The following FXR1 variants were observed in gnomAD, a reference collection of about 807,000 sequenced individuals.
FXR1 encodes the protein FMR1 autosomal homolog 1, also known as RNA-binding protein FXR1.
Under a neutral mutation model 84.0 loss-of-function variants are expected in FXR1, and 15 were observed. That is an observed-to-expected ratio of 0.18 (90% CI 0.12 to 0.27). The LOEUF (loss-of-function observed/expected upper bound fraction) is 0.27, where lower values mean the gene tolerates loss of function less well. Ranked by LOEUF, FXR1 falls within the 10% of genes least tolerant of loss-of-function variation. The probability of loss-of-function intolerance (pLI) is 1.00; values close to 1 mark genes in which losing one functional copy is unlikely to be tolerated. For synonymous variants in FXR1, 245 were observed against 250.7 expected (o/e 0.98, Z 0.21); for missense variants, 480 against 774.4 (o/e 0.62, Z 4.51).
At chr3:180,915,759 G>GA (rs1717823203) in intron 1 of FXR1, 1 of 615,756 alleles carries the variant, frequency 1.6e-6, no homozygotes, top group South Asian at 1.8e-5. Flanking sequence ...GCAGTACTCT[G>GA]TAGACTTTGA....
chr3:180,921,864 GTC>G (rs952969731), intron 1 of FXR1, among the ~76,000 whole-genome samples: 12 of 151,974 alleles, frequency 7.9e-5, no homozygotes, highest in Admixed American at 1.3e-4. Flanking sequence ...CACCACCTGG[GTC>G]TCTCACCTCC....
At chr3:180,937,568 C>T (rs969312062) in intron 3 of FXR1, among the ~76,000 whole-genome samples, 12 of 151,738 alleles carry the variant, frequency 7.9e-5, no homozygotes, top group African/African-American at 2.4e-4. Flanking sequence ...AATTTGCTCT[C>T]TAGAATTTTG....
At chr3:180,948,647 T>G (rs2108465695) in intron 5 of FXR1, 74 bp from the exon 6 acceptor site, 2 of 959,736 alleles carry the variant, frequency 2.1e-6, no homozygotes, top group African/African-American at 1.6e-5. Context: ...AATGAAACAC[T>G]GACTTTGTAT....
intron 3 of FXR1, among the ~76,000 whole-genome samples, chr3:180,944,723 TC>T (rs750974643): frequency 1.3e-5 from 2 of 152,138 alleles, no homozygotes; most frequent in African/African-American, 2.4e-5. Context: ...GCTCAAGAGA[TC>T]CTTCCACCCT....
Position 180,976,196 on chromosome 3 carries a change from C to G in FXR1, c.1770C>G (p.Asp590Glu). The change falls in exon 17 of 17, where the codon GAC becomes GAG. Residue 590 changes from aspartate (D) to glutamate (E), a missense_variant. Physicochemically the swap from Asp to Glu is conservative, Grantham distance 45. Coordinates refer to ENST00000357559, the MANE Select transcript of FXR1 (RefSeq NM_005087.4). ...INGPTSASGDDISKLQRTPGE... is the reference protein window; with the variant it reads ...INGPTSASGDEISKLQRTPGE... Reference sequence around the variant, plus strand: ...GCCCAACTAGTGCTTCTGGCGATGACATTTCTAAGCTACAGCGTACTCCAG... The same window carrying G: ...GCCCAACTAGTGCTTCTGGCGATGAGATTTCTAAGCTACAGCGTACTCCAG... 1 of 1,612,386 alleles carries G rather than the reference C, an allele frequency of 6.2e-7. No homozygotes were observed.
chr3:180,926,673 C>A (rs996453251), intron 1 of FXR1, among the ~76,000 whole-genome samples: 2 of 151,574 alleles, frequency 1.3e-5, no homozygotes, highest in Non-Finnish European at 2.9e-5. Flanking sequence ...CGGATTCAGG[C>A]TGTGCTGTTT....
At chr3:180,929,049 G>A (rs1375601938) in intron 1 of FXR1, among the ~76,000 whole-genome samples, 4 of 152,012 alleles carry the variant, frequency 2.6e-5, no homozygotes, top group Non-Finnish European at 5.9e-5. Context: ...AGCCTCCCAA[G>A]TAGCTGGGAT....
At chr3:180,918,246 A>G (rs764739780) in intron 1 of FXR1, among the ~76,000 whole-genome samples, 1 of 152,096 alleles carries the variant, frequency 6.6e-6, no homozygotes, top group East Asian at 1.9e-4. Flanking sequence ...TTAAGCTTCT[A>G]TATGTATTTC....
chr3:180,968,376 G>C (rs980786680), intron 14 of FXR1, 122 bp downstream of exon 14: 2 of 677,406 alleles, frequency 3.0e-6, no homozygotes, highest in Non-Finnish European at 5.2e-6. Context: ...TTGTCTTAGA[G>C]AAAGTAGTGG....
chr3:180,951,559 A>G (rs1722233865), intron 8 of FXR1, 91 bp downstream of exon 8: 3 of 944,582 alleles, frequency 3.2e-6, no homozygotes, highest in Non-Finnish European at 4.8e-6. Flanking sequence ...TTCCCATGAA[A>G]CATTTTTGAG....
intron 11 of FXR1, among the ~76,000 whole-genome samples, chr3:180,962,089 A>G (rs1712194041): frequency 6.6e-6 from 1 of 152,144 alleles, no homozygotes; most frequent in Non-Finnish European, 1.5e-5. Flanking sequence ...TTTTAGAAAA[A>G]TATGACCCAT....
intron 15 of FXR1, 30 bp downstream of exon 15, chr3:180,970,388 ATATATATAT>A (rs1560023605): frequency 1.3e-4 from 18 of 134,202 alleles, no homozygotes; most frequent in African/African-American, 8.2e-4. Flanking sequence ...AGAGAAATAT[ATATATATAT>A]ATATATATAT....
intron 15 of FXR1, among the ~76,000 whole-genome samples, chr3:180,974,834 T>G (rs981658276): frequency 2.6e-5 from 4 of 152,152 alleles, no homozygotes; most frequent in Non-Finnish European, 5.9e-5. Flanking sequence ...TTAATTGTGC[T>G]TTAAAAAAAA....
At chr3:180,967,049 C>G (rs757939551) in intron 13 of FXR1, among the ~76,000 whole-genome samples, 1 of 152,152 alleles carries the variant, frequency 6.6e-6, no homozygotes, top group Non-Finnish European at 1.5e-5. Context: ...AAAGGCAATG[C>G]TGAATATTTG....
At chr3:180,963,203 G>C in intron 13 of FXR1, 113 bp downstream of exon 13, 1 of 605,696 alleles carries the variant, frequency 1.7e-6, no homozygotes. Flanking sequence ...TTGGCTTTGA[G>C]GGTAGAAGGT....
At position 180,963,101 on chromosome 3, in the gene FXR1, A is replaced by ATT. The variant is rs529783282; in HGVS notation, c.1198+28_1198+29dup. ...ACACCTCCGGTTATGGTAAAAAAAA[A>ATT]TTTTTTTTTTTTTTTTTTGGTAATA... On this transcript the variant is annotated intron_variant, in intron 13 of 16. Transcript: ENST00000357559. 2.2e-3 allele frequency: 1,909 copies of ATT among 861,736 alleles called. No homozygotes were observed. The highest frequency in any genetic ancestry group is 2.7e-3 in the Non-Finnish European group (1,490 of 552,522). The allele number at this position is 861,736 out of a possible 1,614,324, so 53.4% of individuals were successfully genotyped here.
At chr3:180,972,962 G>A (rs1393737497) in intron 15 of FXR1, among the ~76,000 whole-genome samples, 1 of 152,150 alleles carries the variant, frequency 6.6e-6, no homozygotes, top group Non-Finnish European at 1.5e-5. Context: ...GATCTCATCT[G>A]CTCAAAATTT....
intron 1 of FXR1, among the ~76,000 whole-genome samples, chr3:180,923,576 A>G (rs1261486409): frequency 6.6e-6 from 1 of 152,008 alleles, no homozygotes; most frequent in Non-Finnish European, 1.5e-5. Flanking sequence ...GACAGTCCAG[A>G]AACTTTATTA....
At chr3:180,966,889 A>AT (rs1156905942) in intron 13 of FXR1, among the ~76,000 whole-genome samples, 1 of 152,220 alleles carries the variant, frequency 6.6e-6, no homozygotes, top group African/African-American at 2.4e-5. Context: ...TATGATAGTG[A>AT]TTGAGTCATA....
Sources: allele counts gnomAD v4.1 joint callset (sites outside exome capture counted in the v4.1 genomes callset), GRCh38; gene constraint gnomAD v4.1.1; transcripts MANE v1.5; gene names NCBI Gene and HGNC (gene_info 2026-07-23, HGNC 2026-07-21).